The following KCNB2 variants were observed in gnomAD, a reference collection of about 807,000 sequenced individuals.
KCNB2 encodes the protein potassium voltage-gated channel subfamily B member 2, also known as delayed rectifier potassium channel protein.
A neutral mutation model predicts 61.5 loss-of-function variants in KCNB2; 15 were observed. That is an observed-to-expected ratio of 0.24 (90% confidence interval 0.16 to 0.38). KCNB2 has a LOEUF of 0.38. Ranked by LOEUF, KCNB2 falls within the 10% of genes least tolerant of loss-of-function variation. KCNB2 has a pLI of 1.00. For missense variants in KCNB2, 828 were observed against 1,125.2 expected, an observed-to-expected ratio of 0.74 and a Z score of 3.78; for synonymous variants, 457 against 446.0, an observed-to-expected ratio of 1.02 and a Z score of -0.31.
intron 2 of KCNB2, among the ~76,000 whole-genome samples, chr8:72,582,327 C>T (rs946980742): frequency 2.0e-5 from 3 of 152,180 alleles, no homozygotes; most frequent in Non-Finnish European, 4.4e-5. Context: ...GGAAGGCATC[C>T]CATTTCTACG....
At chr8:72,647,750 T>G (rs1159768403) in intron 2 of KCNB2, among the ~76,000 whole-genome samples, 1 of 152,134 alleles carries the variant, frequency 6.6e-6, no homozygotes, top group Non-Finnish European at 1.5e-5. Flanking sequence ...TGTTGGTCAG[T>G]GTACATACAA....
chr8:72,857,226 A>G (rs1033794290), intron 2 of KCNB2, among the ~76,000 whole-genome samples: 8 of 152,144 alleles, frequency 5.3e-5, no homozygotes, highest in African/African-American at 1.9e-4. Flanking sequence ...AAGGTATGAG[A>G]GCTTTTAGAA....
chr8:72,719,133 G>C (rs146213910), intron 2 of KCNB2, among the ~76,000 whole-genome samples: 1 of 151,870 alleles, frequency 6.6e-6, no homozygotes, highest in Non-Finnish European at 1.5e-5. Context: ...TGGTAAGTTA[G>C]ACCTGGAATC....
intron 2 of KCNB2, chr8:72,660,783 G>A (rs1481962986): frequency 1.3e-5 from 2 of 152,028 alleles, no homozygotes; most frequent in African/African-American, 4.8e-5. Flanking sequence ...GGATAGATTC[G>A]CCTCTGTTTT....
intron 2 of KCNB2, among the ~76,000 whole-genome samples, chr8:72,832,599 G>A (rs532814999): frequency 1.3e-5 from 2 of 152,300 alleles, no homozygotes; most frequent in Middle Eastern, 3.4e-3. Context: ...AGTGTCAAGA[G>A]CTGTAAAGGG....
At chr8:72,735,939 G>A (rs1208242120) in intron 2 of KCNB2, among the ~76,000 whole-genome samples, 2 of 152,162 alleles carry the variant, frequency 1.3e-5, no homozygotes, top group Non-Finnish European at 2.9e-5. Context: ...CAAGTTGATA[G>A]ACAAGTTGTT....
intron 1 of KCNB2, among the ~76,000 whole-genome samples, chr8:72,541,005 A>AG (rs1376446467): frequency 6.6e-6 from 1 of 151,464 alleles, no homozygotes; most frequent in Non-Finnish European, 1.5e-5. Flanking sequence ...AGGGGGAAAA[A>AG]AACTTGAAAA....
intron 2 of KCNB2, among the ~76,000 whole-genome samples, chr8:72,873,285 G>C (rs1805647567): frequency 6.6e-6 from 1 of 152,196 alleles, no homozygotes; most frequent in African/African-American, 2.4e-5. Flanking sequence ...TGCTTCATTG[G>C]TGAACGGCAA....
At chr8:72,708,129 G>A (rs991326020) in intron 2 of KCNB2, among the ~76,000 whole-genome samples, 1 of 152,182 alleles carries the variant, frequency 6.6e-6, no homozygotes, top group Non-Finnish European at 1.5e-5. Context: ...CTAACCAACA[G>A]GATGCTGGAG....
At chr8:72,757,845 C>A (rs1189006522) in intron 2 of KCNB2, among the ~76,000 whole-genome samples, 1 of 152,092 alleles carries the variant, frequency 6.6e-6, no homozygotes, top group Admixed American at 6.6e-5. Flanking sequence ...CAAACCAAAT[C>A]CCAAGAAGTG....
At chr8:72,899,687 C>T (rs141038488) in intron 2 of KCNB2, among the ~76,000 whole-genome samples, 1,794 of 152,162 alleles carry the variant, frequency 0.012, 32 homozygotes, top group African/African-American at 0.041. Context: ...TGAAAGATCT[C>T]TACAAGGAGA....
intron 2 of KCNB2, among the ~76,000 whole-genome samples, chr8:72,832,108 CAT>C (rs1250715146): frequency 3.3e-5 from 5 of 152,116 alleles, no homozygotes; most frequent in Non-Finnish European, 7.4e-5. Flanking sequence ...AACATGGAAA[CAT>C]ATTTTTACAG....
intron 1 of KCNB2, among the ~76,000 whole-genome samples, chr8:72,557,818 C>G (rs998323485): frequency 2.0e-5 from 3 of 152,150 alleles, no homozygotes; most frequent in Admixed American, 2.0e-4. Context: ...TGTTGGGCAA[C>G]AATAATTACT....
intron 2 of KCNB2, among the ~76,000 whole-genome samples, chr8:72,913,839 T>A (rs1177662780): frequency 6.6e-6 from 1 of 152,218 alleles, no homozygotes; most frequent in African/African-American, 2.4e-5. Context: ...ATTTCATGAA[T>A]ATATCATTGT....
intron 2 of KCNB2, among the ~76,000 whole-genome samples, chr8:72,599,140 A>G (rs1807248102): frequency 6.6e-6 from 1 of 152,152 alleles, no homozygotes; most frequent in African/African-American, 2.4e-5. Flanking sequence ...CGCATCGCCA[A>G]GTCAATCCTA....
At chr8:72,562,559 T>A (rs2128978465) in intron 1 of KCNB2, among the ~76,000 whole-genome samples, 1 of 152,240 alleles carries the variant, frequency 6.6e-6, no homozygotes, top group East Asian at 1.9e-4. Context: ...GTGAAATAAA[T>A]CAACAAACTG....
At chr8:72,597,069 G>A (rs1325392958) in intron 2 of KCNB2, among the ~76,000 whole-genome samples, 1 of 127,618 alleles carries the variant, frequency 7.8e-6, no homozygotes, top group African/African-American at 3.0e-5. Flanking sequence ...CTGTCACCAG[G>A]CTGGAGTGCA....
At chr8:72,872,646 A>C (rs1381799285) in intron 2 of KCNB2, among the ~76,000 whole-genome samples, 1 of 152,234 alleles carries the variant, frequency 6.6e-6, no homozygotes, top group Non-Finnish European at 1.5e-5. Flanking sequence ...AGAGCAAGAT[A>C]TTCTACACGG....
intron 2 of KCNB2, among the ~76,000 whole-genome samples, chr8:72,897,496 A>G (rs1806011508): frequency 1.3e-5 from 2 of 152,250 alleles, no homozygotes; most frequent in South Asian, 4.1e-4. Context: ...CTTGTTTTGC[A>G]TGTGTAATCT....
Sources: gnomAD v4.1 joint callset for allele counts (sites outside exome capture counted in the v4.1 genomes callset) on GRCh38, gnomAD v4.1.1 for gene constraint, MANE v1.5 for transcripts, NCBI Gene and HGNC (gene_info 2026-07-23, HGNC 2026-07-21) for gene names.